Variants in PCSK1 observed in about 807,000 individuals in gnomAD.
The protein encoded by PCSK1 is proprotein convertase subtilisin/kexin type 1.
Under a neutral mutation model 90.6 loss-of-function variants are expected in PCSK1, and 56 were observed. That is an observed-to-expected ratio of 0.62 (90% CI 0.50 to 0.77). The LOEUF (loss-of-function observed/expected upper bound fraction) is 0.77. PCSK1 is among the 30% of genes least tolerant of loss of function. The pLI is 0.00. For synonymous variants in PCSK1, 348 were observed against 342.4 expected, an observed-to-expected ratio of 1.02 and a Z score of -0.18; for missense variants, 801 against 932.6, an observed-to-expected ratio of 0.86 and a Z score of 1.84.
chr5:96,407,975 A>ATGGGTT (rs1265426449), intron 9 of PCSK1, among the ~76,000 whole-genome samples: 3 of 152,344 alleles, frequency 2.0e-5, no homozygotes, highest in Admixed American at 2.0e-4. Context: ...ATATTGTAGA[A>ATGGGTT]TGGGTTTTAA....
intron 10 of PCSK1, 121 bp downstream of exon 10, chr5:96,399,832 G>C: frequency 1.3e-6 from 1 of 772,600 alleles, no homozygotes. Context: ...GAGAACACTA[G>C]AAAATTCCAC....
intron 11 of PCSK1, among the ~76,000 whole-genome samples, chr5:96,398,439 C>T (rs1760240041): frequency 6.6e-6 from 1 of 152,196 alleles, no homozygotes; most frequent in Admixed American, 6.5e-5. Flanking sequence ...ATTCATGTTA[C>T]TATGATAAAT....
Position 96,391,428 on chromosome 5 carries a change from C to A in PCSK1, c.*1573G>T, listed in dbSNP as rs1759933718. 1 of 152,130 alleles carries A rather than the reference C, an allele frequency of 6.6e-6. No individual in the cohort carries two copies. Among genetic ancestry groups the A allele is most frequent in the Admixed American group, 6.5e-5 (1 of 15,272 alleles). The allele number at this position is 152,130 out of a possible 1,614,324, so 9.4% of individuals were successfully genotyped here. ...TGTAGGTGACTGGAGACTTTGTAAG[C>A]ATATTGAGAGAAGGAAGCCAGAAGG... On this transcript the variant is annotated 3_prime_UTR_variant, in exon 14 of 14. Transcript: ENST00000311106.
At chr5:96,425,182 A>C (rs1440714784) in intron 3 of PCSK1, among the ~76,000 whole-genome samples, 1 of 152,238 alleles carries the variant, frequency 6.6e-6, no homozygotes. Flanking sequence ...TAAAATTCTC[A>C]ACAACAAATC....
In PCSK1 at chr5:96,392,950, C is replaced by T; in HGVS notation, c.*51G>A. 1 of 1,594,430 alleles carries T rather than the reference C, an allele frequency of 6.3e-7. No individual in the cohort carries two copies. The highest frequency in any genetic ancestry group is 8.6e-7 in the Non-Finnish European group (1 of 1,162,942). ...ACCACTTCAGACACAGGCAAAATCG[C>T]AGGGTAAGGAAGAAGCATGAATATT... is the stretch of plus-strand genomic sequence containing the variant. On this transcript the variant is annotated 3_prime_UTR_variant, in exon 14 of 14. Coordinates refer to ENST00000311106, the MANE Select transcript of PCSK1 (RefSeq NM_000439.5).
rs772150249 is a variant in PCSK1, at chr5:96,423,410, A to G, written c.446T>C (p.Ile149Thr). 4 of 1,614,092 alleles carry G rather than the reference A, an allele frequency of 2.5e-6. No homozygotes were observed. The highest frequency in any genetic ancestry group is 3.4e-6 in the Non-Finnish European group (4 of 1,179,924). Reference protein sequence around the residue: ...AALPKLDLHVIPVWQKGITGK... With the variant: ...AALPKLDLHVTPVWQKGITGK... The stretch of plus-strand genomic sequence containing the variant: ...CGTAATGCCTTTTTGCCAAACAGGT[A>G]TCACATGAAGGTCCAGCTTGGGCAG... Residue 149 changes from isoleucine to threonine, a missense_variant, in exon 4 of 14, where the codon ATA becomes ACA. Physicochemically the swap from Ile to Thr is moderately conservative, Grantham distance 89. Coordinates refer to ENST00000311106, the MANE Select transcript of PCSK1 (RefSeq NM_000439.5).
Position 96,393,064 on chromosome 5 carries a change from A to G in PCSK1, c.2199T>C (p.Pro733=), listed in dbSNP as rs757463730. ...DYVDVFYNTK[P]YKHRDDRLLQ... Reference sequence around the variant, plus strand: ...GCAGCCGGTCGTCTCTGTGCTTGTAAGGTTTAGTGTTATAAAAAACATCAA... The same window carrying G: ...GCAGCCGGTCGTCTCTGTGCTTGTAGGGTTTAGTGTTATAAAAAACATCAA... The change falls in exon 14 of 14, where the codon CCT becomes CCC. Residue 733 remains proline (P), a synonymous_variant. Transcript: ENST00000311106. 8.7e-6 allele frequency: 14 copies of G among 1,614,072 alleles called. No homozygotes were observed. The South Asian group carries it at 1.3e-4, about 15-fold the overall frequency.
chr5:96,418,395 C>A (rs1210669960), intron 5 of PCSK1, among the ~76,000 whole-genome samples: 2 of 152,246 alleles, frequency 1.3e-5, no homozygotes, highest in Admixed American at 1.3e-4. Flanking sequence ...TTAAAATATC[C>A]TTGTCACATT....
intron 5 of PCSK1, among the ~76,000 whole-genome samples, chr5:96,420,907 G>A (rs762987118): frequency 6.6e-6 from 1 of 152,180 alleles, no homozygotes. Flanking sequence ...TATACCAAGA[G>A]CTGTTAGATG....
At position 96,400,148 on chromosome 5, in the gene PCSK1, A is replaced by G; in HGVS notation, c.1235T>C (p.Val412Ala). 1 of 1,614,152 alleles carries G rather than the reference A, an allele frequency of 6.2e-7. No homozygotes were observed. Among genetic ancestry groups the G allele is most frequent in the South Asian group, 1.1e-5 (1 of 91,084 alleles). Residue 412 changes from valine (V) to alanine (A), a missense_variant, in exon 10 of 14, where the codon GTC (valine) becomes GCC (alanine). By Grantham distance (64) the Val-to-Ala change is moderately conservative (BLOSUM62 0). Coordinates refer to ENST00000311106, the MANE Select transcript of PCSK1 (RefSeq NM_000439.5). ...LTWRDMQHLVVWTSEYDPLAN... is the reference protein window; with the variant it reads ...LTWRDMQHLVAWTSEYDPLAN... The stretch of plus-strand genomic sequence containing the variant: ...CAGCGGGTCATACTCAGAGGTCCAG[A>G]CAACCAGGTGCTGCATATCTCGCCA...
chr5:96,412,764 T>TTGTTTTTTTTTTTTTG (rs1221205423), intron 6 of PCSK1, among the ~76,000 whole-genome samples: 2 of 145,590 alleles, frequency 1.4e-5, no homozygotes, highest in African/African-American at 5.4e-5. Context: ...TTTTTTTTTT[T>TTGTTTTTTTTTTTTTG]TTTTTTTTTT....
At chr5:96,404,829 TA>T (rs1330508184) in intron 9 of PCSK1, among the ~76,000 whole-genome samples, 1 of 152,222 alleles carries the variant, frequency 6.6e-6, no homozygotes, top group Admixed American at 6.5e-5. Context: ...TAGGTGAAAT[TA>T]ATAATTTCTA....
chr5:96,406,521 G>A (rs899489084), intron 9 of PCSK1, among the ~76,000 whole-genome samples: 1 of 152,072 alleles, frequency 6.6e-6, no homozygotes, highest in Non-Finnish European at 1.5e-5. Context: ...TAAGAGCCTT[G>A]CTAGACTTCC....
At chr5:96,406,138 A>G (rs1259563858) in intron 9 of PCSK1, among the ~76,000 whole-genome samples, 1 of 152,140 alleles carries the variant, frequency 6.6e-6, no homozygotes, top group Non-Finnish European at 1.5e-5. Flanking sequence ...AATCTTAGGA[A>G]GAGAAGAAGT....
rs373353328 is a variant in PCSK1 at position 96,394,872 on chromosome 5, G to T, written c.1876C>A (p.Pro626Thr). 2 of 1,613,888 alleles carry T rather than the reference G, an allele frequency of 1.2e-6. No homozygotes were observed. The highest frequency in any genetic ancestry group is 2.7e-5 in the African/African-American group (2 of 74,904). The change falls in exon 13 of 14, where the codon CCA (proline) becomes ACA (threonine). Residue 626 changes from proline to threonine, a missense_variant. Pro to Thr is a conservative substitution (Grantham distance 38, BLOSUM62 -1). Coordinates refer to ENST00000311106, the MANE Select transcript of PCSK1 (RefSeq NM_000439.5). ...AACAGAGCCACACAGACCTCCCCTG[G>T]ATCCACCATCTTCTCCACCCCTCTT... is the stretch of plus-strand genomic sequence containing the variant. The part of the protein sequence containing the change: ...DRRGVEKMVD[P>T]GEEQPTQENP...
chr5:96,403,371 C>T (rs1452578748), intron 9 of PCSK1, among the ~76,000 whole-genome samples: 2 of 152,092 alleles, frequency 1.3e-5, no homozygotes, highest in Non-Finnish European at 2.9e-5. Flanking sequence ...CCCGTTAACT[C>T]GTCATTTACA....
intron 1 of PCSK1, among the ~76,000 whole-genome samples, chr5:96,430,668 A>C (rs1421228058): frequency 6.6e-6 from 1 of 152,240 alleles, no homozygotes; most frequent in Non-Finnish European, 1.5e-5. Context: ...CAGAACCAGG[A>C]ACGTGCTATC....
intron 1 of PCSK1, among the ~76,000 whole-genome samples, chr5:96,430,477 G>A (rs1257856607): frequency 6.6e-6 from 1 of 152,168 alleles, no homozygotes; most frequent in Non-Finnish European, 1.5e-5. Context: ...TGGAACTGGG[G>A]AGAGAAATCA....
Position 96,433,055 on chromosome 5 carries a change from C to A in PCSK1, c.-13G>T, listed in dbSNP as rs1761558351. Reference sequence around the variant, plus strand: ...CTCTTCGCTCCATAGCTCACACACTCGCTTGAACAAGAGTGGGAAGGGAAG... The same window carrying A: ...CTCTTCGCTCCATAGCTCACACACTAGCTTGAACAAGAGTGGGAAGGGAAG... On this transcript the variant is annotated 5_prime_UTR_variant, in exon 1 of 14. Coordinates refer to ENST00000311106, the MANE Select transcript of PCSK1 (RefSeq NM_000439.5). The A allele has an allele frequency of 6.2e-7, 1 of 1,613,312 alleles. No homozygotes were observed. Among genetic ancestry groups the A allele is most frequent in the Non-Finnish European group, 8.5e-7 (1 of 1,179,310 alleles).
Sources: allele counts gnomAD v4.1 joint callset (sites outside exome capture counted in the v4.1 genomes callset), GRCh38; gene constraint gnomAD v4.1.1; transcripts MANE v1.5; gene names NCBI Gene and HGNC (gene_info 2026-07-23, HGNC 2026-07-21).